CPLX1: variants seen among roughly 807,000 people sequenced by gnomAD.
CPLX1 encodes complexin 1.
A neutral mutation model predicts 15.6 loss-of-function variants in CPLX1; 6 were observed. The ratio of observed to expected loss-of-function variants is 0.39; its 90% CI spans 0.21 to 0.76. The LOEUF (loss-of-function observed/expected upper bound fraction) is 0.76. Among genes scored for constraint, CPLX1 ranks in the 30% least tolerant of loss-of-function variants. The pLI is 0.43. For synonymous variants in CPLX1, 91 were observed against 75.2 expected, an observed-to-expected ratio of 1.21 and a Z score of -1.08; for missense variants, 242 against 188.6, an observed-to-expected ratio of 1.28 and a Z score of -1.66.
chr4:804,425 CAAT>C (rs1165328822), intron 2 of CPLX1, among the ~76,000 whole-genome samples: 1 of 152,072 alleles, frequency 6.6e-6, no homozygotes, highest in Non-Finnish European at 1.5e-5. Context: ...GTTCCACTTA[CAAT>C]AATGAGGAAA....
rs1481083040 is a variant in CPLX1 at position 792,323 on chromosome 4, CA to C, written c.207+109del. ...TGAAGCCCCCAAAGGGTAGGAGGCC[CA>C]GGGGGACGCCCGCCCCTCTTCCGGG... On this transcript the variant is annotated intron_variant, in intron 3 of 3. Coordinates refer to ENST00000304062, the MANE Select transcript of CPLX1 (RefSeq NM_006651.4). The C allele has an allele frequency of 5.5e-6, 6 of 1,094,394 alleles. No individual in the cohort carries two copies. The African/African-American group carries it at 6.6e-5, about 12-fold the overall frequency. 67.8% of individuals were successfully genotyped at this position (1,094,394 alleles called of 1,614,324 possible). A position where few individuals can be genotyped will look rare whatever the true frequency, so the allele number is the denominator to read the frequency against.
chr4:786,921 G>C, intron 3 of CPLX1: 1 of 979,020 alleles, frequency 1.0e-6, no homozygotes, highest in Non-Finnish European at 1.2e-6. Flanking sequence ...CTGACATGGG[G>C]GGGAGCAGGG....
At chr4:814,053 G>A (rs1450375266) in intron 2 of CPLX1, among the ~76,000 whole-genome samples, 1 of 152,240 alleles carries the variant, frequency 6.6e-6, no homozygotes, top group East Asian at 1.9e-4. Flanking sequence ...ACCCAAGCCG[G>A]CGGCCAGACA....
At chr4:804,881 A>T in intron 2 of CPLX1, 1 of 985,286 alleles carries the variant, frequency 1.0e-6, no homozygotes, top group Non-Finnish European at 1.2e-6. Flanking sequence ...GGCGGCAGCC[A>T]TTTTGGAACG....
chr4:809,008 G>C (rs1488024475), intron 2 of CPLX1, among the ~76,000 whole-genome samples: 1 of 152,272 alleles, frequency 6.6e-6, no homozygotes, highest in Non-Finnish European at 1.5e-5. Flanking sequence ...GAGAGCGCGC[G>C]AGTGCGCGGG....
intron 3 of CPLX1, chr4:786,955 G>A: frequency 1.0e-6 from 1 of 984,976 alleles, no homozygotes; most frequent in Non-Finnish European, 1.2e-6. Context: ...CATCTTCCTT[G>A]AGAGGAGAGA....
In CPLX1 at chr4:790,506, C is replaced by T. The variant is rs550832586; in HGVS notation, c.207+1927G>A. Among the ~76,000 whole-genome samples, 16 of 152,312 alleles carry T rather than the reference C, an allele frequency of 1.1e-4. No homozygotes were observed. The East Asian group carries it at 2.7e-3, about 26-fold the overall frequency. ...CAGTCTCTGGAGGGTGCAGCTGCTG[C>T]ATCCTGCCCGGGCCACTCGGTCCCT... On this transcript the variant is annotated intron_variant, in intron 3 of 3. Transcript: ENST00000304062.
At position 792,433 on chromosome 4, in the gene CPLX1, C is replaced by A; in HGVS notation, c.207G>T (p.Lys69Asn). The change falls in exon 3 of 4, where the codon AAG becomes AAT. Residue 69 changes from lysine to asparagine, a missense_variant and splice_region_variant. Transcript: ENST00000304062. Reference protein sequence around the residue: ...REAVRQGIRDKYGIKKKEERE... With the variant: ...REAVRQGIRDNYGIKKKEERE... ...CAGGCGGGGCCGGCCCGGCGCGCACCTTGTCTCGGATGCCCTGGCGCACGG... is the reference window on the plus strand; with the variant it reads ...CAGGCGGGGCCGGCCCGGCGCGCACATTGTCTCGGATGCCCTGGCGCACGG... 1 of 1,572,736 alleles carries A rather than the reference C, an allele frequency of 6.4e-7. No individual in the cohort carries two copies.
intron 2 of CPLX1, among the ~76,000 whole-genome samples, chr4:793,077 TGTC>T (rs1257194256): frequency 5.3e-5 from 8 of 152,300 alleles, no homozygotes; most frequent in Admixed American, 2.0e-4. Context: ...TGATCAGGCT[TGTC>T]GTCTTGTGGT....
At chr4:813,475 G>T (rs368301495) in intron 2 of CPLX1, among the ~76,000 whole-genome samples, 1 of 152,044 alleles carries the variant, frequency 6.6e-6, no homozygotes, top group African/African-American at 2.4e-5. Context: ...GCTGTCAGGC[G>T]AGTGGGGCAG....
chr4:788,210 A>T (rs958470344), intron 3 of CPLX1: 4 of 984,742 alleles, frequency 4.1e-6, no homozygotes, highest in Non-Finnish European at 4.8e-6. Context: ...GGTGCTGGGC[A>T]CCCCCTGGAT....
chr4:793,654 G>T (rs1746249089), intron 2 of CPLX1, among the ~76,000 whole-genome samples: 2 of 152,176 alleles, frequency 1.3e-5, no homozygotes, highest in African/African-American at 4.8e-5. Flanking sequence ...CGTTGCAGGG[G>T]TGCTCCTGGA....
At chr4:815,410 C>CAA (rs71166897) in intron 2 of CPLX1, among the ~76,000 whole-genome samples, 57,630 of 93,074 alleles carry the variant, frequency 0.62, 17,667 homozygotes, top group South Asian at 0.69. Flanking sequence ...GACTCCGTCT[C>CAA]AAAAAAAAAA....
intron 2 of CPLX1, among the ~76,000 whole-genome samples, chr4:822,801 G>C (rs556850048): frequency 1.3e-5 from 2 of 152,290 alleles, no homozygotes; most frequent in South Asian, 4.1e-4. Context: ...CAGAGGCGCA[G>C]AGGCAGAAAA....
chr4:812,264 CA>C (rs1246367624), intron 2 of CPLX1, among the ~76,000 whole-genome samples: 2 of 151,990 alleles, frequency 1.3e-5, no homozygotes, highest in South Asian at 2.1e-4. Context: ...TTAGTAGAGA[CA>C]GGGGTATCAC....
intron 2 of CPLX1, among the ~76,000 whole-genome samples, chr4:794,535 C>T (rs1273202586): frequency 6.6e-6 from 1 of 152,218 alleles, no homozygotes; most frequent in Non-Finnish European, 1.5e-5. Context: ...CTCCTGGATT[C>T]TTCTAACAGT....
chr4:802,777 A>G (rs1237213168), intron 2 of CPLX1, among the ~76,000 whole-genome samples: 1 of 152,098 alleles, frequency 6.6e-6, no homozygotes, highest in Non-Finnish European at 1.5e-5. Flanking sequence ...GTGAAACCCC[A>G]TCTCTACTAA....
chr4:801,748 T>G (rs1225722810), intron 2 of CPLX1, among the ~76,000 whole-genome samples: 1 of 152,210 alleles, frequency 6.6e-6, no homozygotes, highest in Non-Finnish European at 1.5e-5. Flanking sequence ...ACTTGTCCCT[T>G]TCGTTACATG....
intron 3 of CPLX1, chr4:787,659 C>G: frequency 1.0e-6 from 1 of 979,316 alleles, no homozygotes; most frequent in Non-Finnish European, 1.2e-6. Context: ...GAAGGGCCCT[C>G]CCCCAGAGCC....
Sources: allele counts gnomAD v4.1 joint callset (sites outside exome capture counted in the v4.1 genomes callset), GRCh38; gene constraint gnomAD v4.1.1; transcripts MANE v1.5; gene names NCBI Gene and HGNC (gene_info 2026-07-23, HGNC 2026-07-21).